Variants in DCLK2 observed in about 807,000 individuals in gnomAD.
The protein encoded by DCLK2 is serine/threonine-protein kinase DCLK2.
DCLK2 carries 31 observed loss-of-function variants against 78.4 expected under a neutral mutation model. The ratio of observed to expected loss-of-function variants is 0.40; its 90% CI spans 0.30 to 0.53. The LOEUF is 0.53. Ranked by LOEUF, DCLK2 falls within the 20% of genes least tolerant of loss-of-function variation. DCLK2 has a pLI of 0.61. For synonymous variants in DCLK2, 407 were observed against 374.9 expected (o/e 1.09, Z -0.99); for missense variants, 872 against 973.7 (o/e 0.90, Z 1.39).
chr4:150,197,914 AGTT>A (rs1405262367), intron 3 of DCLK2, 85 bp from the exon 4 acceptor site: 1 of 956,464 alleles, frequency 1.0e-6, no homozygotes, highest in African/African-American at 1.7e-5. Context: ...ATCAGGTAAT[AGTT>A]CTGGTCAGTA....
intron 5 of DCLK2, among the ~76,000 whole-genome samples, chr4:150,216,264 CA>C (rs1309771549): frequency 6.6e-6 from 1 of 152,232 alleles, no homozygotes; most frequent in Non-Finnish European, 1.5e-5. Context: ...TGTCCTTCAT[CA>C]GCCATGAATG....
At chr4:150,182,877 AC>A (rs1455043612) in intron 2 of DCLK2, among the ~76,000 whole-genome samples, 1 of 152,164 alleles carries the variant, frequency 6.6e-6, no homozygotes, top group East Asian at 1.9e-4. Flanking sequence ...TGTTTTTTTA[AC>A]TACTCTTAGA....
chr4:150,124,725 A>G (rs1320247002), intron 2 of DCLK2, among the ~76,000 whole-genome samples: 2 of 152,224 alleles, frequency 1.3e-5, no homozygotes, highest in African/African-American at 4.8e-5. Flanking sequence ...AACATCTTAG[A>G]TGCCTCTCAG....
chr4:150,119,314 T>C (rs988212123), intron 2 of DCLK2, among the ~76,000 whole-genome samples: 1 of 152,222 alleles, frequency 6.6e-6, no homozygotes, highest in Non-Finnish European at 1.5e-5. Flanking sequence ...GAGCGACTTA[T>C]TGTGCATAGA....
At chr4:150,171,476 G>A (rs181187306) in intron 2 of DCLK2, among the ~76,000 whole-genome samples, 27 of 152,032 alleles carry the variant, frequency 1.8e-4, no homozygotes, top group Admixed American at 3.3e-4. Flanking sequence ...GCGAGACTCC[G>A]TCTCAAAAAA....
intron 1 of DCLK2, among the ~76,000 whole-genome samples, chr4:150,089,443 A>G (rs1217306822): frequency 1.3e-5 from 2 of 152,272 alleles, no homozygotes; most frequent in Non-Finnish European, 2.9e-5. Context: ...CTGACCCTAT[A>G]TGTACTATGC....
intron 2 of DCLK2, among the ~76,000 whole-genome samples, chr4:150,184,256 G>A (rs538970909): frequency 3.9e-5 from 6 of 152,304 alleles, no homozygotes; most frequent in African/African-American, 1.4e-4. Flanking sequence ...GAGGGGCTTT[G>A]AAGATTTCTT....
At chr4:150,194,821 T>C (rs1738743097) in intron 3 of DCLK2, among the ~76,000 whole-genome samples, 1 of 152,014 alleles carries the variant, frequency 6.6e-6, no homozygotes, top group Admixed American at 6.6e-5. Context: ...ACCAAACAAA[T>C]ACAGTGATAC....
At position 150,198,079 on chromosome 4, in the gene DCLK2, C is replaced by A. The variant is rs199938113; in HGVS notation, c.937C>A (p.Arg313=). 9 of 1,613,504 alleles carry A rather than the reference C, an allele frequency of 5.6e-6. No individual in the cohort carries two copies. In the East Asian group the frequency reaches 1.1e-4, roughly 20 times the overall value. The change falls in exon 4 of 16, where the codon CGA becomes AGA. Residue 313 remains arginine, a synonymous_variant. Transcript: ENST00000296550. ...TGGATCCAAAAGCCCTGGGCCCTCTCGACGCAGCAAATCACCAGCTTCAGG... is the reference window on the plus strand; with the variant it reads ...TGGATCCAAAAGCCCTGGGCCCTCTAGACGCAGCAAATCACCAGCTTCAGG... ...YSGSKSPGPS[R]RSKSPASVNG... is the part of the protein sequence containing the mutation.
intron 2 of DCLK2, among the ~76,000 whole-genome samples, chr4:150,132,562 G>A (rs1442897113): frequency 6.6e-6 from 1 of 152,022 alleles, no homozygotes; most frequent in African/African-American, 2.4e-5. Context: ...GAAATACAGG[G>A]TTCAGTTCCT....
At chr4:150,220,528 A>G (rs1741103744) in intron 5 of DCLK2, among the ~76,000 whole-genome samples, 175 bp from the exon 6 acceptor site, 1 of 152,252 alleles carries the variant, frequency 6.6e-6, no homozygotes, top group South Asian at 2.1e-4. Flanking sequence ...TATCTAAGGA[A>G]GAAATGCACT....
chr4:150,182,484 G>GA, intron 2 of DCLK2, among the ~76,000 whole-genome samples: 1 of 152,178 alleles, frequency 6.6e-6, no homozygotes, highest in East Asian at 1.9e-4. Context: ...CAAGCATCTA[G>GA]ATGGGCAGTT....
intron 10 of DCLK2, among the ~76,000 whole-genome samples, chr4:150,237,915 A>G (rs531252214): frequency 1.3e-5 from 2 of 152,282 alleles, no homozygotes; most frequent in South Asian, 4.1e-4. Context: ...CATGTTTTCA[A>G]AATGGACATC....
chr4:150,256,417 C>G lies in DCLK2; in HGVS notation c.*170C>G. 2.3e-6 allele frequency: 2 copies of G among 860,586 alleles called. No individual in the cohort carries two copies. Among genetic ancestry groups the G allele is most frequent in the Non-Finnish European group, 3.4e-6 (2 of 583,010 alleles). The allele number at this position is 860,586 out of a possible 1,614,324, so 53.3% of individuals were successfully genotyped here. On this transcript the variant is annotated 3_prime_UTR_variant, in exon 16 of 16. Transcript: ENST00000296550. ...GGAGCCTGGCGTGCCGGAGCCTGGC[C>G]TGGTGCTCTGGGCTCTGCCTTCTGG...
intron 2 of DCLK2, among the ~76,000 whole-genome samples, chr4:150,169,924 G>T (rs777215138): frequency 1.3e-5 from 2 of 152,150 alleles, no homozygotes; most frequent in Admixed American, 6.5e-5. Context: ...CAGAACAGCC[G>T]CAGGCCAAAT....
intron 13 of DCLK2, 37 bp from the exon 14 acceptor site, chr4:150,248,268 T>G (rs1743483013): frequency 6.4e-7 from 1 of 1,573,302 alleles, no homozygotes; most frequent in Non-Finnish European, 8.7e-7. Context: ...ACCTCCTTTC[T>G]CCTCCTCTGT....
chr4:150,237,526 A>T (rs572895835), intron 10 of DCLK2, among the ~76,000 whole-genome samples: 1 of 152,310 alleles, frequency 6.6e-6, no homozygotes, highest in Non-Finnish European at 1.5e-5. Flanking sequence ...ACTAAAGGTG[A>T]AACATATTCT....
intron 2 of DCLK2, among the ~76,000 whole-genome samples, chr4:150,142,993 C>T (rs889189381): frequency 2.6e-5 from 4 of 151,892 alleles, no homozygotes; most frequent in Non-Finnish European, 5.9e-5. Context: ...CTGTGTGTAC[C>T]TATTAGTTAG....
chr4:150,169,612 G>A (rs1485154707), intron 2 of DCLK2, among the ~76,000 whole-genome samples: 2 of 147,700 alleles, frequency 1.4e-5, no homozygotes, highest in African/African-American at 5.1e-5. Context: ...AGCCAAGATC[G>A]CACCATTGCA....
Sources: gnomAD v4.1 joint callset for allele counts (sites outside exome capture counted in the v4.1 genomes callset) on GRCh38, gnomAD v4.1.1 for gene constraint, MANE v1.5 for transcripts, NCBI Gene and HGNC (gene_info 2026-07-23, HGNC 2026-07-21) for gene names.